The following SSPN variants were observed in gnomAD, a reference collection of about 807,000 sequenced individuals.
SSPN encodes K-ras oncogene-associated protein.
SSPN carries 15 observed loss-of-function variants against 19.1 expected under a neutral mutation model. The ratio of observed to expected loss-of-function variants is 0.78; its 90% CI spans 0.52 to 1.21. The LOEUF (loss-of-function observed/expected upper bound fraction) is 1.21, where lower values mean the gene tolerates loss of function less well. Ranked by LOEUF, SSPN falls within the 50% of genes most tolerant of loss-of-function variation. The probability of loss-of-function intolerance (pLI) is 0.00; values close to 1 mark genes in which losing one functional copy is unlikely to be tolerated. For synonymous variants in SSPN, 147 were observed against 140.3 expected (o/e 1.05, Z -0.34); for missense variants, 291 against 314.0 (o/e 0.93, Z 0.55).
At chr12:26,154,440 G>A (rs971716440) in intron 1 of SSPN, among the ~76,000 whole-genome samples, 2 of 152,178 alleles carry the variant, frequency 1.3e-5, no homozygotes, top group African/African-American at 4.8e-5. Context: ...CTTAGCAGCA[G>A]GGCCTTGGTG....
intron 1 of SSPN, among the ~76,000 whole-genome samples, chr12:26,199,379 A>AG (rs1944858197): frequency 6.6e-6 from 1 of 152,148 alleles, no homozygotes; most frequent in African/African-American, 2.4e-5. Context: ...GATTCCTGTA[A>AG]GGGGGGAAAA....
At chr12:26,179,917 G>A (rs1006236920) in intron 1 of SSPN, 9 of 106,438 alleles carry the variant, frequency 8.5e-5, no homozygotes, top group African/African-American at 3.0e-4. Context: ...TATTTAGCTA[G>A]GCTTTTTTTT....
At position 26,214,816 on chromosome 12, in the gene SSPN, C is replaced by A. The variant is rs1380507555; in HGVS notation, c.280-9477C>A. ...GAAAAAGAATTAATAATAATAATAA[C>A]AAATATAGGAAGGGGATATCATTCA... On this transcript the variant is annotated intron_variant, in intron 1 of 2. Transcript: ENST00000242729. The A allele has an allele frequency of 2.0e-5, 3 of 152,118 alleles. No homozygotes were observed. In the South Asian group the frequency reaches 6.2e-4, roughly 32 times the overall value. The allele number at this position is 152,118 out of a possible 1,614,324, so 9.4% of individuals were successfully genotyped here.
rs779616171 is a variant in SSPN at position 26,123,765 on chromosome 12, G to C, written c.-31+1613G>C. On this transcript the variant is annotated intron_variant, in intron 1 of 2. Coordinates refer to the SSPN transcript ENST00000538142. ...GTCTGCAGTGGTGCAAAAAAGAAAC[G>C]GGCACTTGGTTACTTAAAAACACAC... 11 of 1,495,208 alleles carry C rather than the reference G, an allele frequency of 7.4e-6. No homozygotes were observed. In the East Asian group the frequency reaches 2.0e-4, roughly 28 times the overall value. 92.6% of individuals were successfully genotyped at this position (1,495,208 alleles called of 1,614,324 possible).
chr12:26,195,982 G>A, intron 1 of SSPN, 31 bp downstream of exon 1: 1 of 1,438,864 alleles, frequency 6.9e-7, no homozygotes, highest in Non-Finnish European at 9.1e-7. Flanking sequence ...GCCTAAGCGC[G>A]TTTGCCAAAC....
chr12:26,206,832 G>A (rs1203476002), intron 1 of SSPN, among the ~76,000 whole-genome samples: 1 of 152,192 alleles, frequency 6.6e-6, no homozygotes, highest in Non-Finnish European at 1.5e-5. Context: ...GCAAGAATAA[G>A]TATTTATAGA....
chr12:26,141,456 G>T (rs1200487766), intron 1 of SSPN, among the ~76,000 whole-genome samples: 1 of 152,178 alleles, frequency 6.6e-6, no homozygotes, highest in Admixed American at 6.5e-5. Context: ...ATAAATTTGT[G>T]TTGTTTAAGC....
intron 1 of SSPN, among the ~76,000 whole-genome samples, chr12:26,153,458 C>T (rs1479336510): frequency 6.6e-6 from 1 of 152,120 alleles, no homozygotes; most frequent in Non-Finnish European, 1.5e-5. Flanking sequence ...GGAATTTGAG[C>T]TCCATGAGAG....
chr12:26,122,282 C>A, intron 1 of SSPN: 1 of 1,202,354 alleles, frequency 8.3e-7, no homozygotes, highest in East Asian at 3.5e-5. Flanking sequence ...GGCAGGGGAA[C>A]GCGGCGGCGG....
chr12:26,225,745 T>TA (rs35244146), intron 2 of SSPN, among the ~76,000 whole-genome samples: 117 of 121,854 alleles, frequency 9.6e-4, no homozygotes, highest in African/African-American at 3.7e-3. Context: ...GCTTGGTGAT[T>TA]AAAAAAAAAA....
chr12:26,155,739 CATT>C (rs1944552241), intron 1 of SSPN, among the ~76,000 whole-genome samples: 2 of 152,216 alleles, frequency 1.3e-5, no homozygotes, highest in South Asian at 4.1e-4. Context: ...ATAGAGCTAA[CATT>C]AATGGCCACT....
chr12:26,179,922 T>G (rs1944708469), intron 1 of SSPN: 1 of 8,384 alleles, frequency 1.2e-4, no homozygotes, highest in Non-Finnish European at 3.8e-4. Flanking sequence ...AGCTAGGCTT[T>G]TTTTTTTTTT....
At chr12:26,145,780 C>T (rs1944486726) in intron 1 of SSPN, among the ~76,000 whole-genome samples, 1 of 152,180 alleles carries the variant, frequency 6.6e-6, no homozygotes, top group Non-Finnish European at 1.5e-5. Context: ...GGTATTCCGC[C>T]CTCGTGCCCC....
At chr12:26,224,776 A>G (rs1020742841) in intron 2 of SSPN, among the ~76,000 whole-genome samples, 2 of 144,786 alleles carry the variant, frequency 1.4e-5, no homozygotes, top group African/African-American at 2.4e-5. Context: ...AGGTGGGATC[A>G]CTGAGACAGA....
chr12:26,147,717 A>G (rs539717803), intron 1 of SSPN, among the ~76,000 whole-genome samples: 5 of 152,238 alleles, frequency 3.3e-5, no homozygotes, highest in Non-Finnish European at 7.3e-5. Context: ...AAGCCTGACA[A>G]TAGAAGACTT....
At chr12:26,213,072 A>T (rs2137484255) in intron 1 of SSPN, among the ~76,000 whole-genome samples, 1 of 152,168 alleles carries the variant, frequency 6.6e-6, no homozygotes, top group Admixed American at 6.5e-5. Flanking sequence ...TTTTTAAAAA[A>T]GTAATATTAA....
intron 1 of SSPN, chr12:26,126,721 G>C (rs747378883): frequency 2.0e-5 from 3 of 152,416 alleles, no homozygotes; most frequent in Admixed American, 6.5e-5. Flanking sequence ...TTCGTGACTC[G>C]GGCGGCGGCG....
chr12:26,218,667 A>G (rs1413777663), intron 1 of SSPN, among the ~76,000 whole-genome samples: 1 of 152,130 alleles, frequency 6.6e-6, no homozygotes, highest in Non-Finnish European at 1.5e-5. Flanking sequence ...AGTCATGCTA[A>G]AATATTCTCT....
At chr12:26,160,202 C>A (rs4963967) in intron 1 of SSPN, among the ~76,000 whole-genome samples, 148,366 of 152,312 alleles carry the variant, frequency 0.97, 72,371 homozygotes, top group East Asian at 1. Flanking sequence ...ATTTTCAAAG[C>A]GAGAATCCAA....
Sources: allele counts gnomAD v4.1 joint callset (sites outside exome capture counted in the v4.1 genomes callset), GRCh38; gene constraint gnomAD v4.1.1; transcripts MANE v1.5; gene names NCBI Gene and HGNC (gene_info 2026-07-23, HGNC 2026-07-21).